Variants in USH2A observed in about 807,000 individuals in gnomAD.
USH2A encodes Usher syndrome 2A (autosomal recessive, mild).
Under a neutral mutation model 538.9 loss-of-function variants are expected in USH2A, and 443 were observed. The observed-to-expected ratio is 0.82, with a 90% CI of 0.76 to 0.89. The LOEUF is 0.89. USH2A is among the 40% of genes least tolerant of loss of function. USH2A has a pLI of 0.00. For synonymous variants in USH2A, 2,413 were observed against 2,273.5 expected (o/e 1.06, Z -1.75); for missense variants, 6,633 against 6,324.8 (o/e 1.05, Z -1.65).
At chr1:216,041,929 C>T (rs61263325) in intron 32 of USH2A, among the ~76,000 whole-genome samples, 101,533 of 151,692 alleles carry the variant, frequency 0.67, 34,819 homozygotes, top group African/African-American at 0.81. Flanking sequence ...ACAAACTATA[C>T]CAAACATTCT....
intron 29 of USH2A, 65 bp from the exon 30 acceptor site, chr1:216,070,357 T>C (rs2031519439): frequency 6.7e-7 from 1 of 1,491,774 alleles, no homozygotes; most frequent in South Asian, 1.1e-5. Flanking sequence ...GCTCCTATTC[T>C]TCACTTTTAA....
chr1:216,267,309 A>G (rs2036492236), intron 11 of USH2A, among the ~76,000 whole-genome samples: 2 of 152,092 alleles, frequency 1.3e-5, no homozygotes, highest in Admixed American at 6.6e-5. Flanking sequence ...CTTAACAAGA[A>G]AAGTTGCAAA....
intron 61 of USH2A, among the ~76,000 whole-genome samples, chr1:215,719,362 C>CAAAAAAAAAAAAAAA (rs375176415): frequency 1.3e-5 from 1 of 74,640 alleles, no homozygotes; most frequent in African/African-American, 4.8e-5. Context: ...CCTCAGGAGA[C>CAAAAAAAAAAAAAAA]AAAAAAAAAA....
chr1:215,772,251 A>G (rs1229531272), intron 55 of USH2A, among the ~76,000 whole-genome samples: 1 of 152,226 alleles, frequency 6.6e-6, no homozygotes, highest in East Asian at 1.9e-4. Context: ...GAGATGTCTC[A>G]AAGGAACCAT....
intron 32 of USH2A, among the ~76,000 whole-genome samples, chr1:216,009,665 C>T (rs997869985): frequency 6.6e-6 from 1 of 152,018 alleles, no homozygotes; most frequent in Admixed American, 6.6e-5. Flanking sequence ...ACCCATCTGA[C>T]CTCTCCCCTC....
At chr1:216,148,279 T>C (rs1337320441) in intron 21 of USH2A, among the ~76,000 whole-genome samples, 47 of 151,786 alleles carry the variant, frequency 3.1e-4, no homozygotes, top group African/African-American at 1.1e-3. Context: ...CCTTTTTAGT[T>C]ATCCCCACCT....
chr1:215,877,567 A>G (rs1664802557), intron 43 of USH2A, among the ~76,000 whole-genome samples, 191 bp downstream of exon 43: 1 of 152,158 alleles, frequency 6.6e-6, no homozygotes, highest in Admixed American at 6.6e-5. Context: ...TTAAGCATGC[A>G]GTTAAGATGG....
At chr1:215,686,831 T>A (rs1658438627) in intron 61 of USH2A, among the ~76,000 whole-genome samples, 1 of 152,136 alleles carries the variant, frequency 6.6e-6, no homozygotes, top group Admixed American at 6.5e-5. Context: ...AAAAAAGATT[T>A]AAAATTTTCT....
chr1:215,654,252 T>C (rs1657172710), intron 64 of USH2A, among the ~76,000 whole-genome samples: 1 of 152,142 alleles, frequency 6.6e-6, no homozygotes, highest in African/African-American at 2.4e-5. Context: ...ACATGTGCCA[T>C]GTTGGTTTGC....
chr1:216,327,742 T>A (rs932711720), intron 4 of USH2A, 88 bp from the exon 5 acceptor site: 1 of 1,514,190 alleles, frequency 6.6e-7, no homozygotes, highest in Non-Finnish European at 9.1e-7. Context: ...CCTTTGAAGA[T>A]GTTAAGGTTA....
At chr1:215,800,516 C>A (rs761802608) in intron 49 of USH2A, among the ~76,000 whole-genome samples, 20 of 152,108 alleles carry the variant, frequency 1.3e-4, no homozygotes, top group Non-Finnish European at 2.1e-4. Context: ...TGGCACAAAT[C>A]CACTGAAGAA....
intron 41 of USH2A, among the ~76,000 whole-genome samples, chr1:215,887,554 A>G (rs755091629): frequency 2.0e-4 from 30 of 152,340 alleles, no homozygotes; most frequent in South Asian, 2.1e-4. Flanking sequence ...TGCTTTGACC[A>G]GCTTCATATT....
chr1:216,418,082 C>T (rs1168827301), intron 3 of USH2A, among the ~76,000 whole-genome samples: 1 of 152,072 alleles, frequency 6.6e-6, no homozygotes, highest in Non-Finnish European at 1.5e-5. Flanking sequence ...CATTTTAATG[C>T]AACAGACAAA....
At chr1:215,973,940 T>TCACA (rs140368318) in intron 35 of USH2A, among the ~76,000 whole-genome samples, 61,761 of 146,094 alleles carry the variant, frequency 0.42, 13,238 homozygotes, top group East Asian at 0.62. Context: ...ATAGGTGAGA[T>TCACA]CACACACACA....
intron 38 of USH2A, among the ~76,000 whole-genome samples, chr1:215,909,382 T>C (rs1292317857): frequency 6.6e-6 from 1 of 151,920 alleles, no homozygotes; most frequent in African/African-American, 2.4e-5. Context: ...CATGTCATTA[T>C]ATATTAGCCT....
chr1:216,014,554 G>A lies in USH2A; in HGVS notation c.6326-13992C>T, dbSNP rs576654713. Among the ~76,000 whole-genome samples the A allele has an allele frequency of 2.2e-4, 33 of 152,334 alleles. No individual in the cohort carries two copies. The South Asian group carries it at 6.8e-3, about 32-fold the overall frequency. ...GTACACAAATCTGAGTTGGGTAAAT[G>A]GAGGGTGGGGAAACCCTGAAAACAT... is the stretch of plus-strand genomic sequence containing the variant. On this transcript the variant is annotated intron_variant, in intron 32 of 71. Transcript: ENST00000307340.
intron 60 of USH2A, among the ~76,000 whole-genome samples, chr1:215,739,185 A>G (rs529767356): frequency 6.6e-6 from 1 of 152,306 alleles, no homozygotes; most frequent in South Asian, 2.1e-4. Context: ...AACAGGCTAC[A>G]ATTATGATTG....
At chr1:215,693,638 G>A (rs936658838) in intron 61 of USH2A, among the ~76,000 whole-genome samples, 2 of 152,128 alleles carry the variant, frequency 1.3e-5, no homozygotes, top group Non-Finnish European at 2.9e-5. Flanking sequence ...GTACCATATT[G>A]AAAATTAAAG....
At chr1:215,874,560 A>G (rs1664710424) in intron 43 of USH2A, among the ~76,000 whole-genome samples, 2 of 152,226 alleles carry the variant, frequency 1.3e-5, no homozygotes, top group Non-Finnish European at 2.9e-5. Context: ...GTGCTTTTCT[A>G]TGCGTTATAA....
Sources: gnomAD v4.1 joint callset for allele counts (sites outside exome capture counted in the v4.1 genomes callset) on GRCh38, gnomAD v4.1.1 for gene constraint, MANE v1.5 for transcripts, NCBI Gene and HGNC (gene_info 2026-07-23, HGNC 2026-07-21) for gene names.